Variants in SLC4A10 observed in about 807,000 individuals in gnomAD.
The protein encoded by SLC4A10 is solute carrier family 4 member 10.
SLC4A10 carries 42 observed loss-of-function variants against 137.7 expected under a neutral mutation model. That is an observed-to-expected ratio of 0.30 (90% CI 0.24 to 0.39). The LOEUF (loss-of-function observed/expected upper bound fraction) is 0.39. SLC4A10 is among the 10% of genes least tolerant of loss of function. SLC4A10 has a pLI of 1.00. For synonymous variants in SLC4A10, 474 were observed against 464.1 expected, an observed-to-expected ratio of 1.02 and a Z score of -0.27; for missense variants, 925 against 1,355.0, an observed-to-expected ratio of 0.68 and a Z score of 4.98.
chr2:161,947,072 T>C (rs1400957898), intron 16 of SLC4A10, among the ~76,000 whole-genome samples: 2 of 152,094 alleles, frequency 1.3e-5, no homozygotes, highest in African/African-American at 4.8e-5. Flanking sequence ...CCACCAGTGG[T>C]GAGGCCACAA....
At chr2:161,953,514 A>G (rs748753892) in intron 19 of SLC4A10, among the ~76,000 whole-genome samples, 3 of 152,098 alleles carry the variant, frequency 2.0e-5, no homozygotes, top group Non-Finnish European at 2.9e-5. Flanking sequence ...AGGCTGAGGC[A>G]GGAGAATCGT....
At chr2:161,809,202 C>T (rs2056309283) in intron 3 of SLC4A10, among the ~76,000 whole-genome samples, 3 of 151,960 alleles carry the variant, frequency 2.0e-5, no homozygotes, top group Admixed American at 1.3e-4. Context: ...CTGTTCGTGT[C>T]CTTTGCCCAT....
At chr2:161,778,115 G>A (rs2052596570) in intron 2 of SLC4A10, among the ~76,000 whole-genome samples, 1 of 151,840 alleles carries the variant, frequency 6.6e-6, no homozygotes. Flanking sequence ...TGAGAACATA[G>A]AAGTAGTATA....
At chr2:161,826,539 C>T (rs2058031586) in intron 3 of SLC4A10, among the ~76,000 whole-genome samples, 1 of 152,116 alleles carries the variant, frequency 6.6e-6, no homozygotes, top group South Asian at 2.1e-4. Context: ...AGAGGGCCTG[C>T]AAAAGGAGAG....
intron 23 of SLC4A10, among the ~76,000 whole-genome samples, chr2:161,969,623 T>C (rs568334415): frequency 2.2e-4 from 34 of 152,300 alleles, no homozygotes; most frequent in African/African-American, 7.9e-4. Context: ...GGATAAATCC[T>C]AGAAATTCTA....
At chr2:161,947,813 G>GGCTTTT in intron 17 of SLC4A10, 86 bp downstream of exon 17, 1 of 1,444,326 alleles carries the variant, frequency 6.9e-7, no homozygotes, top group Non-Finnish European at 9.3e-7. Context: ...GCCACTGAAA[G>GGCTTTT]GCTTTTGTGT....
At chr2:161,865,820 C>G (rs2060706797) in intron 6 of SLC4A10, among the ~76,000 whole-genome samples, 1 of 151,936 alleles carries the variant, frequency 6.6e-6, no homozygotes, top group South Asian at 2.1e-4. Context: ...ATTGGAAATT[C>G]TGTTTTAAAT....
At chr2:161,979,888 A>G (rs543082694) in intron 26 of SLC4A10, among the ~76,000 whole-genome samples, 1 of 152,206 alleles carries the variant, frequency 6.6e-6, no homozygotes, top group Non-Finnish European at 1.5e-5. Flanking sequence ...TTGAATAGAA[A>G]TTATATTTTC....
intron 10 of SLC4A10, among the ~76,000 whole-genome samples, chr2:161,885,949 C>CA (rs1161053357): frequency 2.6e-5 from 4 of 151,874 alleles, no homozygotes; most frequent in Non-Finnish European, 5.9e-5. Flanking sequence ...CCAAAAAATT[C>CA]AAAAAAATTT....
At chr2:161,627,096 A>T (rs1461529302) in intron 1 of SLC4A10, among the ~76,000 whole-genome samples, 10 of 152,136 alleles carry the variant, frequency 6.6e-5, no homozygotes, top group Admixed American at 6.6e-4. Context: ...CAGTTAAATA[A>T]CTTATATGAA....
intron 1 of SLC4A10, among the ~76,000 whole-genome samples, chr2:161,657,002 T>G (rs974497284): frequency 2.0e-4 from 31 of 152,212 alleles, no homozygotes; most frequent in African/African-American, 6.7e-4. Flanking sequence ...AGATGTAATA[T>G]TTCAGGTGAT....
intron 15 of SLC4A10, among the ~76,000 whole-genome samples, chr2:161,917,259 C>CA (rs1336267967): frequency 3.3e-5 from 5 of 152,112 alleles, no homozygotes; most frequent in African/African-American, 1.2e-4. Flanking sequence ...TTCATTTGTC[C>CA]AATCACAAAT....
At chr2:161,798,072 C>T (rs879251566) in intron 2 of SLC4A10, among the ~76,000 whole-genome samples, 44 of 151,980 alleles carry the variant, frequency 2.9e-4, no homozygotes, top group Admixed American at 5.3e-4. Flanking sequence ...TATAAACATA[C>T]ACTCACTCCC....
At chr2:161,845,656 G>C (rs1254646209) in intron 4 of SLC4A10, among the ~76,000 whole-genome samples, 1 of 152,024 alleles carries the variant, frequency 6.6e-6, no homozygotes, top group East Asian at 1.9e-4. Context: ...GAACGGAATA[G>C]AGAACTAAGA....
At chr2:161,911,875 G>A (rs992715801) in intron 15 of SLC4A10, among the ~76,000 whole-genome samples, 34 of 151,964 alleles carry the variant, frequency 2.2e-4, no homozygotes, top group Non-Finnish European at 4.4e-4. Context: ...ATAATAGTAG[G>A]CACTCAATAA....
chr2:161,642,167 G>A (rs1173606162), intron 1 of SLC4A10, among the ~76,000 whole-genome samples: 1 of 151,898 alleles, frequency 6.6e-6, no homozygotes, highest in East Asian at 1.9e-4. Flanking sequence ...ATATATCTTT[G>A]ATTCCCTAGT....
chr2:161,796,796 C>T (rs569481062), intron 2 of SLC4A10, among the ~76,000 whole-genome samples: 14 of 152,244 alleles, frequency 9.2e-5, no homozygotes, highest in Admixed American at 2.6e-4. Flanking sequence ...AGCAACTTCT[C>T]GGTTTTTCCA....
intron 1 of SLC4A10, among the ~76,000 whole-genome samples, chr2:161,666,941 A>G (rs1035444755): frequency 1.1e-4 from 16 of 151,754 alleles, no homozygotes; most frequent in African/African-American, 3.9e-4. Flanking sequence ...GGGTGGGTCT[A>G]CATTCTTTTT....
intron 18 of SLC4A10, 70 bp downstream of exon 18, chr2:161,949,331 C>G: frequency 1.0e-6 from 1 of 967,822 alleles, no homozygotes; most frequent in Non-Finnish European, 1.6e-6. Flanking sequence ...ACCTATAACT[C>G]TAGTACTTAG....
Sources: gnomAD v4.1 joint callset for allele counts (sites outside exome capture counted in the v4.1 genomes callset) on GRCh38, gnomAD v4.1.1 for gene constraint, MANE v1.5 for transcripts, NCBI Gene and HGNC (gene_info 2026-07-23, HGNC 2026-07-21) for gene names.